SLC2A13: variants seen among roughly 807,000 people sequenced by gnomAD.
SLC2A13 encodes the protein proton myo-inositol cotransporter.
In SLC2A13, 32 loss-of-function variants were observed where a neutral mutation model predicts 64.4. The ratio of observed to expected loss-of-function variants is 0.50; its 90% CI spans 0.37 to 0.67. The LOEUF is 0.67. Ranked by LOEUF, SLC2A13 falls within the 30% of genes least tolerant of loss-of-function variation. SLC2A13 has a pLI of 0.00. For missense variants in SLC2A13, 743 were observed against 829.2 expected (o/e 0.90, Z 1.28); for synonymous variants, 338 against 327.1 (o/e 1.03, Z -0.36).
At chr12:39,858,133 A>G (rs751575951) in intron 6 of SLC2A13, among the ~76,000 whole-genome samples, 3 of 152,228 alleles carry the variant, frequency 2.0e-5, no homozygotes, top group Non-Finnish European at 4.4e-5. Context: ...CTTCCATGAC[A>G]GGTGGACAGA....
At chr12:39,822,297 C>T (rs1310042088) in intron 7 of SLC2A13, among the ~76,000 whole-genome samples, 1 of 152,140 alleles carries the variant, frequency 6.6e-6, no homozygotes, top group East Asian at 1.9e-4. Flanking sequence ...ATTTAACTCA[C>T]TATGTGACAC....
intron 4 of SLC2A13, among the ~76,000 whole-genome samples, chr12:39,942,261 T>G (rs1286849271): frequency 2.0e-5 from 3 of 152,144 alleles, no homozygotes; most frequent in Non-Finnish European, 4.4e-5. Flanking sequence ...ATGGTGGTAG[T>G]CTGATGGGGA....
rs140336376 is a variant in SLC2A13, at chr12:40,058,101, T to C, written c.557-9891A>G. 6.8e-3 allele frequency among the ~76,000 whole-genome samples: 1,001 copies of C among 147,808 alleles called. 8 individuals are homozygous for C. The highest frequency in any genetic ancestry group is 0.025 in the Middle Eastern group (7 of 284). ...GATAGATAGATAGATTGATTTACTATATATATTTTACTATAAATATATAGT... is the reference window on the plus strand; with the variant it reads ...GATAGATAGATAGATTGATTTACTACATATATTTTACTATAAATATATAGT... On this transcript the variant is annotated intron_variant, in intron 1 of 9. Coordinates refer to ENST00000280871, the MANE Select transcript of SLC2A13 (RefSeq NM_052885.4).
At chr12:40,032,596 T>C (rs1947921664) in intron 2 of SLC2A13, among the ~76,000 whole-genome samples, 1 of 152,158 alleles carries the variant, frequency 6.6e-6, no homozygotes, top group Admixed American at 6.5e-5. Context: ...GGAAGCTCTG[T>C]GAATGGTGGA....
At chr12:39,941,804 T>C (rs1307128068) in intron 4 of SLC2A13, among the ~76,000 whole-genome samples, 2 of 152,202 alleles carry the variant, frequency 1.3e-5, no homozygotes, top group Admixed American at 1.3e-4. Context: ...TCTTGAAGGG[T>C]TTCTTCCAAT....
rs74451716 is a variant in SLC2A13 at position 39,840,783 on chromosome 12, T to C, written c.1320-10555A>G. Among the ~76,000 whole-genome samples, 942 of 152,196 alleles carry C rather than the reference T, an allele frequency of 6.2e-3. 12 individuals carry two copies. Among genetic ancestry groups the C allele is most frequent in the African/African-American group, 0.021 (891 of 41,544 alleles). On this transcript the variant is annotated intron_variant, in intron 6 of 9. Transcript: ENST00000280871. ...GCTGTGTTTGCTTTCCCTTACTGCA[T>C]TGTGACCTTCTCAAGACCCTGTACA...
At chr12:39,784,990 G>GAAAC (rs1204220578) in intron 7 of SLC2A13, among the ~76,000 whole-genome samples, 1 of 152,168 alleles carries the variant, frequency 6.6e-6, no homozygotes, top group East Asian at 1.9e-4. Context: ...TTTTAAAAGG[G>GAAAC]AAACAGAACA....
intron 7 of SLC2A13, among the ~76,000 whole-genome samples, chr12:39,776,272 C>CAGTCACTAT (rs1307290111): frequency 6.6e-6 from 1 of 151,764 alleles, no homozygotes; most frequent in African/African-American, 2.4e-5. Context: ...TTATACTACA[C>CAGTCACTAT]ACTGCTTCCC....
chr12:39,856,814 A>T (rs192043907), intron 6 of SLC2A13, among the ~76,000 whole-genome samples: 24 of 152,358 alleles, frequency 1.6e-4, no homozygotes, highest in Non-Finnish European at 2.6e-4. Flanking sequence ...AGAGTGTTTT[A>T]AGTGTTAATA....
intron 1 of SLC2A13, among the ~76,000 whole-genome samples, chr12:40,093,500 C>A (rs1938833262): frequency 6.6e-6 from 1 of 152,114 alleles, no homozygotes; most frequent in African/African-American, 2.4e-5. Context: ...GGAGAGAAAA[C>A]AATCAGTAAG....
intron 1 of SLC2A13, among the ~76,000 whole-genome samples, chr12:40,055,573 T>A (rs1388664776): frequency 6.6e-6 from 1 of 152,216 alleles, no homozygotes; most frequent in Non-Finnish European, 1.5e-5. Context: ...TAGACTAAGT[T>A]ATTGATTAAT....
chr12:40,028,934 G>A (rs1180734381), intron 2 of SLC2A13, among the ~76,000 whole-genome samples: 1 of 152,052 alleles, frequency 6.6e-6, no homozygotes, highest in Non-Finnish European at 1.5e-5. Context: ...TAAAATAAGT[G>A]CCCAAATTTG....
chr12:39,834,500 T>C (rs1183649181), intron 6 of SLC2A13, among the ~76,000 whole-genome samples: 2 of 152,058 alleles, frequency 1.3e-5, no homozygotes, highest in Non-Finnish European at 2.9e-5. Flanking sequence ...TCCCAAAACA[T>C]ACTCCATAGT....
intron 4 of SLC2A13, 40 bp downstream of exon 4, chr12:39,951,217 T>A: frequency 1.9e-6 from 3 of 1,539,872 alleles, no homozygotes; most frequent in Non-Finnish European, 2.7e-6. Flanking sequence ...AATAATCCTT[T>A]CACAATCTTT....
intron 7 of SLC2A13, among the ~76,000 whole-genome samples, chr12:39,766,802 T>C (rs1267541244): frequency 6.6e-6 from 1 of 152,082 alleles, no homozygotes; most frequent in Non-Finnish European, 1.5e-5. Context: ...AAGAAACAAC[T>C]CCTTATCCGT....
intron 3 of SLC2A13, among the ~76,000 whole-genome samples, chr12:40,015,643 C>CT (rs1947609019): frequency 6.6e-6 from 1 of 152,218 alleles, no homozygotes; most frequent in Admixed American, 6.5e-5. Flanking sequence ...TGCACTTGAT[C>CT]TTTCCCCATC....
chr12:40,035,750 ATAGCT>A (rs1336767180), intron 2 of SLC2A13, among the ~76,000 whole-genome samples: 2 of 152,220 alleles, frequency 1.3e-5, no homozygotes, highest in Admixed American at 6.5e-5. Context: ...CCCTGTCTAC[ATAGCT>A]TAGAAGAAGA....
intron 7 of SLC2A13, among the ~76,000 whole-genome samples, chr12:39,795,250 T>G (rs1941537858): frequency 6.6e-6 from 1 of 152,068 alleles, no homozygotes. Flanking sequence ...TGAGTTTCAT[T>G]CAGGAAACAT....
intron 3 of SLC2A13, among the ~76,000 whole-genome samples, chr12:39,994,572 A>G (rs1425607447): frequency 2.0e-5 from 3 of 152,302 alleles, no homozygotes; most frequent in South Asian, 4.1e-4. Flanking sequence ...TCTGTCTCAC[A>G]TTACAAACAC....
Sources: allele counts gnomAD v4.1 joint callset (sites outside exome capture counted in the v4.1 genomes callset), GRCh38; gene constraint gnomAD v4.1.1; transcripts MANE v1.5; gene names NCBI Gene and HGNC (gene_info 2026-07-23, HGNC 2026-07-21).